PLA2G6: variants seen among roughly 807,000 people sequenced by gnomAD.
PLA2G6 encodes phospholipase A2 group VI, also known as 85/88 kDa calcium-independent phospholipase A2.
In PLA2G6, 62 loss-of-function variants were observed where a neutral mutation model predicts 83.8. That is an observed-to-expected ratio of 0.74 (90% CI 0.60 to 0.91). PLA2G6 has a LOEUF of 0.91. PLA2G6 is among the 40% of genes least tolerant of loss of function. PLA2G6 has a pLI of 0.00. For synonymous variants in PLA2G6, 417 were observed against 449.8 expected (o/e 0.93, Z 0.92); for missense variants, 944 against 1,102.0 (o/e 0.86, Z 2.03).
chr22:38,125,256 AT>A (rs2087780130), intron 10 of PLA2G6, among the ~76,000 whole-genome samples: 1 of 143,612 alleles, frequency 7.0e-6, no homozygotes, highest in East Asian at 1.9e-4. Flanking sequence ...ATGTGTTTGC[AT>A]GTGGGCAACA....
intron 1 of PLA2G6, among the ~76,000 whole-genome samples, chr22:38,178,330 G>T (rs1167870691): frequency 1.1e-4 from 16 of 152,170 alleles, no homozygotes. Context: ...CAGCACTTTA[G>T]GAGGCCAAGG....
intron 11 of PLA2G6, among the ~76,000 whole-genome samples, chr22:38,121,313 G>A (rs1328121536): frequency 6.6e-6 from 1 of 152,158 alleles, no homozygotes; most frequent in Non-Finnish European, 1.5e-5. Context: ...GGGAGCGGAG[G>A]TTGCAGTGAG....
intron 2 of PLA2G6, chr22:38,150,051 C>CAAG (rs2089484959): frequency 1.1e-5 from 1 of 93,532 alleles, no homozygotes. Context: ...ACCCCACCAC[C>CAAG]AAAAAAAAAA....
At chr22:38,178,333 G>A (rs1476719587) in intron 1 of PLA2G6, among the ~76,000 whole-genome samples, 1 of 152,182 alleles carries the variant, frequency 6.6e-6, no homozygotes, top group Non-Finnish European at 1.5e-5. Context: ...CACTTTAGGA[G>A]GCCAAGGAAG....
At chr22:38,172,852 C>A (rs995090997) in intron 1 of PLA2G6, among the ~76,000 whole-genome samples, 2 of 152,214 alleles carry the variant, frequency 1.3e-5, no homozygotes, top group Admixed American at 1.3e-4. Flanking sequence ...CCCACCAGAG[C>A]CTGGGGCTAG....
intron 6 of PLA2G6, chr22:38,133,362 G>T: frequency 2.9e-6 from 1 of 350,552 alleles, no homozygotes; most frequent in Non-Finnish European, 5.4e-6. Flanking sequence ...ACCCTGCAAA[G>T]GTATCACCTC....
Position 38,140,034 on chromosome 22 carries a change from T to A in PLA2G6, c.745A>T (p.Met249Leu). ...LLLCNARCNI[M>L]GPNGYPIHSA... ...TGGATGGGGTAGCCGTTGGGGCCCA[T>A]GATGTTGCACCGAGCATTGCACAGC... Residue 249 changes from methionine (M) to leucine (L), a missense_variant, in exon 5 of 17, where the codon ATG becomes TTG. Coordinates refer to ENST00000332509, the MANE Select transcript of PLA2G6 (RefSeq NM_003560.4). 6 of 1,612,670 alleles carry A rather than the reference T, an allele frequency of 3.7e-6. No individual in the cohort carries two copies. Among genetic ancestry groups the A allele is most frequent in the Non-Finnish European group, 5.1e-6 (6 of 1,179,424 alleles).
intron 2 of PLA2G6, among the ~76,000 whole-genome samples, chr22:38,166,769 C>T (rs566930165): frequency 9.6e-4 from 146 of 152,202 alleles, no homozygotes; most frequent in Non-Finnish European, 1.9e-3. Context: ...GGAAACAACA[C>T]AGCAGCACAG....
At chr22:38,157,514 A>G (rs1180448608) in intron 2 of PLA2G6, among the ~76,000 whole-genome samples, 1 of 152,176 alleles carries the variant, frequency 6.6e-6, no homozygotes, top group East Asian at 1.9e-4. Flanking sequence ...TCACTGCTTA[A>G]TTTTACCAAA....
chr22:38,161,176 T>C (rs1344967387), intron 2 of PLA2G6, among the ~76,000 whole-genome samples: 1 of 152,094 alleles, frequency 6.6e-6, no homozygotes, highest in Admixed American at 6.6e-5. Flanking sequence ...GAAAATAACT[T>C]AGGTCAGGAC....
intron 2 of PLA2G6, among the ~76,000 whole-genome samples, chr22:38,150,787 GA>G (rs2089522139): frequency 6.6e-6 from 1 of 152,164 alleles, no homozygotes; most frequent in East Asian, 1.9e-4. Context: ...TTAAAGAGCT[GA>G]AAAGAAAATA....
chr22:38,163,295 G>A (rs1569294556), intron 2 of PLA2G6: 2 of 156,776 alleles, frequency 1.3e-5, no homozygotes, highest in East Asian at 3.8e-4. Context: ...GGAGTCTTCT[G>A]GACCCCTTAA....
At chr22:38,161,423 A>G (rs2090005504) in intron 2 of PLA2G6, among the ~76,000 whole-genome samples, 1 of 151,976 alleles carries the variant, frequency 6.6e-6, no homozygotes, top group Non-Finnish European at 1.5e-5. Flanking sequence ...CATCCTCATG[A>G]CCTAATCACC....
At chr22:38,127,157 C>A (rs1017269418) in intron 9 of PLA2G6, 1 of 1,154,724 alleles carries the variant, frequency 8.7e-7, no homozygotes, top group South Asian at 1.8e-5. Flanking sequence ...GACAGCCCCC[C>A]ACCACTGTGC....
intron 1 of PLA2G6, among the ~76,000 whole-genome samples, chr22:38,178,820 C>T (rs1036956477): frequency 9.2e-5 from 14 of 152,042 alleles, no homozygotes; most frequent in Non-Finnish European, 2.1e-4. Flanking sequence ...GAGCTGAGAT[C>T]GCACCACTGC....
At chr22:38,148,633 G>A (rs1186178053) in intron 2 of PLA2G6, 3 of 701,590 alleles carry the variant, frequency 4.3e-6, no homozygotes, top group Non-Finnish European at 7.9e-6. Flanking sequence ...TCTGCCAAGA[G>A]GAGAGCCCTG....
intron 1 of PLA2G6, among the ~76,000 whole-genome samples, chr22:38,175,810 C>T (rs1011035628): frequency 6.6e-6 from 1 of 152,172 alleles, no homozygotes; most frequent in East Asian, 1.9e-4. Flanking sequence ...GCTCACCCAA[C>T]CCGCTTTGAT....
intron 14 of PLA2G6, 47 bp downstream of exon 14, chr22:38,115,480 G>A: frequency 6.4e-7 from 1 of 1,566,504 alleles, no homozygotes; most frequent in South Asian, 1.1e-5. Flanking sequence ...ACACAGGATT[G>A]GCTCCAGGGA....
chr22:38,157,948 A>G (rs1349641189), intron 2 of PLA2G6, among the ~76,000 whole-genome samples: 1 of 151,748 alleles, frequency 6.6e-6, no homozygotes, highest in Non-Finnish European at 1.5e-5. Context: ...GGACAGGAGA[A>G]TTACTTGAAC....
Sources: allele counts gnomAD v4.1 joint callset (sites outside exome capture counted in the v4.1 genomes callset), GRCh38; gene constraint gnomAD v4.1.1; transcripts MANE v1.5; gene names NCBI Gene and HGNC (gene_info 2026-07-23, HGNC 2026-07-21).